The following ADAMTSL1 variants were observed in gnomAD, a reference collection of about 807,000 sequenced individuals.
ADAMTSL1 encodes the protein ADAMTS-like protein 1.
Under a neutral mutation model 201.8 loss-of-function variants are expected in ADAMTSL1, and 126 were observed. That is an observed-to-expected ratio of 0.62 (90% CI 0.54 to 0.72). The LOEUF (loss-of-function observed/expected upper bound fraction) is 0.72. Among genes scored for constraint, ADAMTSL1 ranks in the 30% least tolerant of loss-of-function variants. ADAMTSL1 has a pLI of 0.00. For synonymous variants in ADAMTSL1, 1,121 were observed against 903.4 expected (o/e 1.24, Z -4.32); for missense variants, 2,679 against 2,277.8 (o/e 1.18, Z -3.59).
Position 18,324,702 on chromosome 9 carries a change from T to G in ADAMTSL1, c.207+160721T>G, listed in dbSNP as rs148238899. Among the ~76,000 whole-genome samples the G allele has an allele frequency of 6.6e-3, 992 of 151,070 alleles. 8 individuals carry two copies. The highest frequency in any genetic ancestry group is 0.023 in the African/African-American group (945 of 41,042). On this transcript the variant is annotated intron_variant, in intron 2 of 29. Coordinates refer to the ADAMTSL1 transcript ENST00000680146. ...TCACTTGAACCCGGGAGGCGGAGAT[T>G]GCAGTGAGCTGAGATCGCGCCATCA...
chr9:18,816,891 T>C (rs180996469), intron 20 of ADAMTSL1, among the ~76,000 whole-genome samples: 39 of 152,262 alleles, frequency 2.6e-4, no homozygotes, highest in Admixed American at 5.9e-4. Context: ...TATCCATCAT[T>C]GCAAACATTT....
In ADAMTSL1 at chr9:18,206,053, C is replaced by CAAAAAAA. The variant is rs71333031; in HGVS notation, c.207+42098_207+42104dup. ...TGGGCAACAAAGTGAGACTCCATCT[C>CAAAAAAA]AAAAAAAAAAAAAAAAAAAAAAAAA... On this transcript the variant is annotated intron_variant, in intron 2 of 29. Coordinates refer to the ADAMTSL1 transcript ENST00000680146. 3.5e-4 allele frequency among the ~76,000 whole-genome samples: 19 copies of CAAAAAAA among 54,352 alleles called. 1 individual carries two copies. The highest frequency in any genetic ancestry group is 4.5e-4 in the Non-Finnish European group (15 of 33,604). The allele number at this position is 54,352 out of a possible 152,430, so 35.7% of individuals were successfully genotyped here.
At chr9:18,378,555 G>A (rs1211059101) in intron 2 of ADAMTSL1, among the ~76,000 whole-genome samples, 1 of 152,168 alleles carries the variant, frequency 6.6e-6, no homozygotes, top group African/African-American at 2.4e-5. Flanking sequence ...CCATGATGCT[G>A]AAGTAGATCC....
intron 2 of ADAMTSL1, among the ~76,000 whole-genome samples, chr9:18,300,844 G>T (rs1466104805): frequency 1.3e-5 from 2 of 152,106 alleles, no homozygotes; most frequent in Non-Finnish European, 2.9e-5. Context: ...GGGCTCCAGA[G>T]AGAAGTTTAC....
intron 1 of ADAMTSL1, among the ~76,000 whole-genome samples, chr9:17,941,015 G>A (rs891055227): frequency 6.7e-6 from 1 of 150,186 alleles, no homozygotes; most frequent in Admixed American, 6.7e-5. Flanking sequence ...TACAGGTTTT[G>A]ATGCTGACTC....
intron 2 of ADAMTSL1, among the ~76,000 whole-genome samples, chr9:18,457,114 T>TTTAAA: frequency 6.6e-6 from 1 of 152,298 alleles, no homozygotes; most frequent in South Asian, 2.1e-4. Context: ...CCACACACAG[T>TTTAAA]GAAAAACTAC....
exon 1 of ADAMTSL1, chr9:17,906,675 G>A (rs1825725485): frequency 6.6e-6 from 1 of 152,432 alleles, no homozygotes; most frequent in South Asian, 2.1e-4. Context: ...AAGCTCCAAA[G>A]CCGCGCCGCC....
intron 7 of ADAMTSL1, 148 bp downstream of exon 7, chr9:18,639,559 C>A: frequency 1.2e-6 from 1 of 840,634 alleles, no homozygotes; most frequent in Non-Finnish European, 1.8e-6. Context: ...GGGTGTTGAG[C>A]TAGCTGCATC....
intron 2 of ADAMTSL1, among the ~76,000 whole-genome samples, chr9:18,522,584 G>T (rs4961657): frequency 0.63 from 84,120 of 132,930 alleles, 25,923 homozygotes; most frequent in East Asian, 0.81. Flanking sequence ...ATGCTATCCC[G>T]CCCCCCTCCC....
rs149016916 is a variant in ADAMTSL1, at chr9:18,688,950, G to T, written c.1574+4150G>T. ...ACTGATAAAATTATCTTCTGTTAAAGTTCAAACTATGTCATTTCGAATTTC... is the reference window on the plus strand; with the variant it reads ...ACTGATAAAATTATCTTCTGTTAAATTTCAAACTATGTCATTTCGAATTTC... On this transcript the variant is annotated intron_variant, in intron 13 of 28. Coordinates refer to ENST00000380548, the MANE Select transcript of ADAMTSL1 (RefSeq NM_001040272.6). 4.5e-3 allele frequency among the ~76,000 whole-genome samples: 683 copies of T among 151,872 alleles called. 2 individuals carry two copies. Among genetic ancestry groups the T allele is most frequent in the African/African-American group, 0.016 (651 of 41,418 alleles).
chr9:18,041,230 A>G (rs1482322683), intron 1 of ADAMTSL1, among the ~76,000 whole-genome samples: 1 of 152,220 alleles, frequency 6.6e-6, no homozygotes, highest in Middle Eastern at 3.2e-3. Context: ...CATTTGGAAT[A>G]AATGGCTGTT....
chr9:18,648,722 G>C (rs13286598), intron 7 of ADAMTSL1, among the ~76,000 whole-genome samples: 26,578 of 146,804 alleles, frequency 0.18, 2,156 homozygotes, highest in Middle Eastern at 0.22. Context: ...GGTCCCCACT[G>C]TCTTCTGGCT....
chr9:18,384,792 C>T (rs1452508817), intron 2 of ADAMTSL1, among the ~76,000 whole-genome samples: 2 of 152,128 alleles, frequency 1.3e-5, no homozygotes, highest in Non-Finnish European at 2.9e-5. Flanking sequence ...AAATGTTCTC[C>T]TCCCACTGAT....
intron 1 of ADAMTSL1, among the ~76,000 whole-genome samples, chr9:18,118,757 G>A (rs1825372229): frequency 6.6e-6 from 1 of 152,172 alleles, no homozygotes; most frequent in African/African-American, 2.4e-5. Flanking sequence ...ACACAGAGTA[G>A]AGCCAATTGC....
At chr9:18,311,330 C>A (rs1234270906) in intron 2 of ADAMTSL1, among the ~76,000 whole-genome samples, 2 of 151,252 alleles carry the variant, frequency 1.3e-5, no homozygotes, top group African/African-American at 2.4e-5. Flanking sequence ...GCACAAGTAT[C>A]CCAGAACTTA....
chr9:17,984,805 T>A (rs959156565), intron 1 of ADAMTSL1, among the ~76,000 whole-genome samples: 12 of 152,300 alleles, frequency 7.9e-5, no homozygotes, highest in African/African-American at 2.9e-4. Context: ...AGCTGTAGTC[T>A]AGCTCTGATT....
intron 1 of ADAMTSL1, among the ~76,000 whole-genome samples, chr9:17,990,580 C>T (rs747984140): frequency 1.3e-5 from 2 of 151,794 alleles, no homozygotes; most frequent in African/African-American, 4.8e-5. Flanking sequence ...ATTTATTGGC[C>T]TCACCTTGAG....
rs1246388028 is a variant in ADAMTSL1 at position 18,356,527 on chromosome 9, T to TA, written c.208-148278dup. Among the ~76,000 whole-genome samples the TA allele has an allele frequency of 9.8e-3, 778 of 79,450 alleles. 14 individuals carry two copies. Among genetic ancestry groups the TA allele is most frequent in the African/African-American group, 0.02 (400 of 20,188 alleles). 52.1% of individuals were successfully genotyped at this position (79,450 alleles called of 152,430 possible). On this transcript the variant is annotated intron_variant, in intron 2 of 29. Transcript: ENST00000680146. ...GGGGGACACAGTGAGACCCTGTCTT[T>TA]AAAAAAAAAAAAAAAAAAAAAAAAG...
chr9:18,419,080 A>G (rs902965271), intron 2 of ADAMTSL1, among the ~76,000 whole-genome samples: 3 of 152,250 alleles, frequency 2.0e-5, no homozygotes, highest in African/African-American at 7.2e-5. Context: ...TAGCAACTCA[A>G]TTGAGAAAGA....
Sources: gnomAD v4.1 joint callset for allele counts (sites outside exome capture counted in the v4.1 genomes callset) on GRCh38, gnomAD v4.1.1 for gene constraint, MANE v1.5 for transcripts, NCBI Gene and HGNC (gene_info 2026-07-23, HGNC 2026-07-21) for gene names.